DNAH12: variants seen among roughly 807,000 people sequenced by gnomAD.
The protein encoded by DNAH12 is dynein axonemal heavy chain 12.
In DNAH12, 285 loss-of-function variants were observed where a neutral mutation model predicts 371.5. The ratio of observed to expected loss-of-function variants is 0.77; its 90% CI spans 0.70 to 0.85. DNAH12 has a LOEUF of 0.85. DNAH12 is among the 40% of genes least tolerant of loss of function. The pLI, the probability that DNAH12 is intolerant of heterozygous loss-of-function variation, is 0.00. For synonymous variants in DNAH12, 1,200 were observed against 1,213.0 expected (o/e 0.99, Z 0.22); for missense variants, 3,611 against 3,689.4 (o/e 0.98, Z 0.55).
At chr3:57,412,401 G>A (rs570552701) in intron 39 of DNAH12, among the ~76,000 whole-genome samples, 9 of 152,302 alleles carry the variant, frequency 5.9e-5, no homozygotes, top group Middle Eastern at 3.4e-3. Context: ...GTATGGCAAT[G>A]ACTTTTTCAG....
intron 44 of DNAH12, among the ~76,000 whole-genome samples, 190 bp downstream of exon 44, chr3:57,393,981 T>C (rs921482514): frequency 1.3e-3 from 192 of 152,240 alleles, no homozygotes; most frequent in African/African-American, 4.5e-3. Flanking sequence ...GTTATAAAAA[T>C]TATGCCTCAT....
rs981533821 is a variant in DNAH12 at position 57,452,887 on chromosome 3, G to A, written c.3742C>T (p.Arg1248Ter). ...TCAGTTAGAGGCGTAATGACAAGTC[G>A]AGGTGAGTTACCAAGATATTCATAA... ...YAYEYLGNSP[R>*]LVITPLTDRC... Residue 1248 changes from arginine (R) to a stop codon, truncating the protein, a stop_gained, in exon 25 of 74, where the codon CGA (arginine) becomes TGA (stop). Transcript: ENST00000495027. LOFTEE classifies it high-confidence loss of function. The A allele has an allele frequency of 1.5e-5, 23 of 1,550,774 alleles. No individual in the cohort carries two copies. The highest frequency in any genetic ancestry group is 2.4e-5 in the South Asian group (2 of 83,710).
At chr3:57,448,040 T>G (rs2153371419) in intron 25 of DNAH12, among the ~76,000 whole-genome samples, 1 of 152,282 alleles carries the variant, frequency 6.6e-6, no homozygotes, top group South Asian at 2.1e-4. Context: ...GCTGAAAACC[T>G]CGGGCTCTTC....
intron 49 of DNAH12, among the ~76,000 whole-genome samples, chr3:57,384,348 A>G (rs2063457511): frequency 6.6e-6 from 1 of 152,112 alleles, no homozygotes; most frequent in African/African-American, 2.4e-5. Flanking sequence ...TATAAAAAGC[A>G]AAAATAGGCC....
At position 57,333,329 on chromosome 3, in the gene DNAH12, CT is replaced by C. The variant is rs34135477; in HGVS notation, c.9978+1135del. 6.5e-3 allele frequency among the ~76,000 whole-genome samples: 721 copies of C among 111,062 alleles called. 15 individuals are homozygous for C. The highest frequency in any genetic ancestry group is 0.011 in the African/African-American group (240 of 21,912). 72.9% of individuals were successfully genotyped at this position (111,062 alleles called of 152,430 possible). On this transcript the variant is annotated intron_variant, in intron 62 of 73. Transcript: ENST00000495027. ...CGGATACATGTTCTTTTTAAGGCAA[CT>C]TTTTTTTTTTTTTTTTTTTAGATGG...
At chr3:57,529,337 A>T (rs2068761177) in intron 2 of DNAH12, among the ~76,000 whole-genome samples, 1 of 152,146 alleles carries the variant, frequency 6.6e-6, no homozygotes, top group African/African-American at 2.4e-5. Flanking sequence ...TTAAATGTTT[A>T]ATAGAATTCA....
At chr3:57,314,361 A>C in intron 66 of DNAH12, 133 bp downstream of exon 66, 1 of 1,133,382 alleles carries the variant, frequency 8.8e-7, no homozygotes, top group Non-Finnish European at 1.3e-6. Flanking sequence ...ATAGTGCTTC[A>C]TAAGCCATAG....
rs753616247 is a variant in DNAH12, at chr3:57,301,827, C to A, written c.11302G>T (p.Val3768Phe). ...GAACGTTTGGCCCATATTTCTGGAACCTTTCCAACAAGTAAGCTACCGGAG... is the reference window on the plus strand; with the variant it reads ...GAACGTTTGGCCCATATTTCTGGAAACTTTCCAACAAGTAAGCTACCGGAG... ...ALSGSLLVGK[V>F]PEIWAKRSYP... Residue 3768 changes from valine to phenylalanine, a missense_variant, in exon 70 of 74, where the codon GTT becomes TTT. By Grantham distance (50) the Val-to-Phe change is conservative. Coordinates refer to ENST00000495027, the MANE Select transcript of DNAH12 (RefSeq NM_001366028.2). 20 of 1,551,436 alleles carry A rather than the reference C, an allele frequency of 1.3e-5. No homozygotes were observed. The highest frequency in any genetic ancestry group is 1.6e-5 in the Non-Finnish European group (18 of 1,147,002).
At chr3:57,462,581 T>A in intron 18 of DNAH12, 109 bp downstream of exon 18, 1 of 1,298,648 alleles carries the variant, frequency 7.7e-7, no homozygotes, top group Non-Finnish European at 1.0e-6. Context: ...CTCTCCCCCA[T>A]CACCTCCCGC....
chr3:57,499,641 A>ATATATATATATATATATATATATAT (rs1553711536), intron 11 of DNAH12, among the ~76,000 whole-genome samples: 1 of 25,418 alleles, frequency 3.9e-5, no homozygotes, highest in Non-Finnish European at 9.1e-5. Flanking sequence ...AAAAAAAAAA[A>ATATATATATATATATATATATATAT]AAAAAAATAT....
intron 55 of DNAH12, among the ~76,000 whole-genome samples, 180 bp downstream of exon 55, chr3:57,375,191 C>T (rs1028622779): frequency 4.7e-4 from 71 of 152,080 alleles, no homozygotes; most frequent in Non-Finnish European, 4.0e-4. Context: ...GATGGGTTGA[C>T]GGAGTGATAG....
At chr3:57,412,455 A>C (rs1298848996) in intron 39 of DNAH12, among the ~76,000 whole-genome samples, 1 of 152,214 alleles carries the variant, frequency 6.6e-6, no homozygotes, top group Non-Finnish European at 1.5e-5. Context: ...CTTCATTAAA[A>C]TTAACAACTT....
At chr3:57,460,478 T>C (rs893097871) in intron 19 of DNAH12, among the ~76,000 whole-genome samples, 1 of 152,238 alleles carries the variant, frequency 6.6e-6, no homozygotes, top group African/African-American at 2.4e-5. Context: ...AAGGTCTATG[T>C]GTCAAGAGAT....
chr3:57,341,077 T>G (rs566749795), intron 60 of DNAH12, among the ~76,000 whole-genome samples: 1 of 152,042 alleles, frequency 6.6e-6, no homozygotes, highest in South Asian at 2.1e-4. Context: ...TTGATAAAAT[T>G]CAATATCCCT....
intron 62 of DNAH12, among the ~76,000 whole-genome samples, chr3:57,329,863 CAAG>C (rs2062049183): frequency 6.6e-6 from 1 of 152,144 alleles, no homozygotes; most frequent in South Asian, 2.1e-4. Context: ...AACAAATTTA[CAAG>C]AAGAAAACAA....
In DNAH12 at chr3:57,382,657, C is replaced by A. The variant is rs1165187478; in HGVS notation, c.7861-264G>T. 2.0e-5 allele frequency among the ~76,000 whole-genome samples: 3 copies of A among 151,852 alleles called. No individual in the cohort carries two copies. The East Asian group carries it at 5.8e-4, about 29-fold the overall frequency. ...GAATATAATGGCAGCTATAAATCCACCAGAAAATATAATTTTTCACATATA... is the reference window on the plus strand; with the variant it reads ...GAATATAATGGCAGCTATAAATCCAACAGAAAATATAATTTTTCACATATA... On this transcript the variant is annotated intron_variant, in intron 49 of 73. Transcript: ENST00000495027.
rs1317451730 is a variant in DNAH12, at chr3:57,363,782, C to T, written c.9172G>A (p.Glu3058Lys). Reference protein sequence around the residue: ...LGIVVAKERPELEEERNALIL... With the variant: ...LGIVVAKERPKLEEERNALIL... ...AGGGCATTTCGTTCCTCTTCTAATT[C>T]TGGTCTAAAAAGATAGAAACATTTA... Residue 3058 changes from glutamate (E) to lysine (K), a missense_variant, in exon 58 of 74, where the codon GAA becomes AAA. Glu to Lys is a moderately conservative substitution (Grantham distance 56). Transcript: ENST00000495027. 6.6e-6 allele frequency: 1 copy of T among 152,034 alleles called. No individual in the cohort carries two copies. The highest frequency in any genetic ancestry group is 1.5e-5 in the Non-Finnish European group (1 of 67,984). The allele number at this position is 152,034 out of a possible 1,614,324, so 9.4% of individuals were successfully genotyped here. A position where few individuals can be genotyped will look rare whatever the true frequency, so the allele number is the denominator to read the frequency against.
In DNAH12 at chr3:57,420,484, T is replaced by C. The variant is rs187219645; in HGVS notation, c.5563-966A>G. On this transcript the variant is annotated intron_variant, in intron 36 of 73. Coordinates refer to ENST00000495027, the MANE Select transcript of DNAH12 (RefSeq NM_001366028.2). ...CTTTTATTTTTATCAACATTATATA[T>C]GTACATATTTTACAGTCAAAAGATT... is the stretch of plus-strand genomic sequence containing the variant. Among the ~76,000 whole-genome samples the C allele has an allele frequency of 2.6e-5, 4 of 152,330 alleles. No homozygotes were observed. In the East Asian group the frequency reaches 7.7e-4, roughly 29 times the overall value.
chr3:57,417,675 C>T (rs2064422216), intron 37 of DNAH12, among the ~76,000 whole-genome samples: 1 of 152,136 alleles, frequency 6.6e-6, no homozygotes, highest in East Asian at 1.9e-4. Flanking sequence ...TATTATCCTA[C>T]ACATTACAAT....
Sources: gnomAD v4.1 joint callset for allele counts (sites outside exome capture counted in the v4.1 genomes callset) on GRCh38, gnomAD v4.1.1 for gene constraint, MANE v1.5 for transcripts, NCBI Gene and HGNC (gene_info 2026-07-23, HGNC 2026-07-21) for gene names.